Variants in ATRNL1 observed in about 807,000 individuals in gnomAD.
ATRNL1 encodes attractin-like protein 1.
A neutral mutation model predicts 182.7 loss-of-function variants in ATRNL1; 95 were observed. The observed-to-expected ratio is 0.52, with a 90% CI of 0.44 to 0.62. The LOEUF is 0.62. ATRNL1 is among the 20% of genes least tolerant of loss of function. The probability of loss-of-function intolerance (pLI) is 0.00; values close to 1 mark genes in which losing one functional copy is unlikely to be tolerated. For synonymous variants in ATRNL1, 576 were observed against 568.3 expected (o/e 1.01, Z -0.19); for missense variants, 1,471 against 1,679.5 (o/e 0.88, Z 2.17).
chr10:115,596,818 T>C (rs1163819108), intron 26 of ATRNL1, among the ~76,000 whole-genome samples: 2 of 152,106 alleles, frequency 1.3e-5, no homozygotes, highest in South Asian at 2.1e-4. Context: ...AGAATATTAG[T>C]TTAAGAATAT....
intron 17 of ATRNL1, among the ~76,000 whole-genome samples, chr10:115,303,641 C>T (rs1443664984): frequency 6.6e-6 from 1 of 152,146 alleles, no homozygotes; most frequent in African/African-American, 2.4e-5. Flanking sequence ...TTTCAGTTCC[C>T]TTCTTCTCAA....
chr10:115,402,873 C>T (rs1334859837), intron 20 of ATRNL1, among the ~76,000 whole-genome samples: 3 of 152,070 alleles, frequency 2.0e-5, no homozygotes, highest in African/African-American at 7.2e-5. Context: ...AGAAGAATCT[C>T]CTGGGATATG....
intron 24 of ATRNL1, among the ~76,000 whole-genome samples, chr10:115,469,911 G>C (rs17093123): frequency 6.6e-6 from 1 of 150,410 alleles, no homozygotes; most frequent in Non-Finnish European, 1.5e-5. Context: ...TATAGTCAAG[G>C]TTTGTGTTCT....
intron 26 of ATRNL1, among the ~76,000 whole-genome samples, chr10:115,601,530 T>C (rs1452714352): frequency 6.6e-6 from 1 of 152,196 alleles, no homozygotes; most frequent in Admixed American, 6.5e-5. Flanking sequence ...TTGTCAGTTT[T>C]GCTTCATGTA....
chr10:115,930,559 T>C (rs1953364715), intron 28 of ATRNL1, among the ~76,000 whole-genome samples: 1 of 152,218 alleles, frequency 6.6e-6, no homozygotes, highest in Non-Finnish European at 1.5e-5. Flanking sequence ...TATAATTGGC[T>C]TAGCTAAAAT....
At chr10:115,527,206 C>A (rs1191210271) in intron 25 of ATRNL1, among the ~76,000 whole-genome samples, 2 of 151,642 alleles carry the variant, frequency 1.3e-5, no homozygotes, top group African/African-American at 4.8e-5. Flanking sequence ...TCAACCTCTG[C>A]CTCCCAGGCT....
intron 25 of ATRNL1, among the ~76,000 whole-genome samples, chr10:115,524,350 T>C (rs1290048698): frequency 1.6e-4 from 25 of 152,168 alleles, no homozygotes; most frequent in Non-Finnish European, 2.9e-5. Flanking sequence ...TTTTTTCTTG[T>C]TGTTGCTGTG....
intron 28 of ATRNL1, among the ~76,000 whole-genome samples, chr10:115,885,485 GT>G (rs577345438): frequency 7.2e-5 from 11 of 152,222 alleles, no homozygotes; most frequent in Non-Finnish European, 1.3e-4. Context: ...AAATCCAGTA[GT>G]TTTTTGTCAG....
At chr10:115,102,350 G>T (rs1205575629) in intron 1 of ATRNL1, among the ~76,000 whole-genome samples, 2 of 151,812 alleles carry the variant, frequency 1.3e-5, no homozygotes, top group African/African-American at 4.8e-5. Flanking sequence ...ACTCTTTTCT[G>T]TTCCATTGAT....
chr10:115,158,071 A>C (rs1846606512), intron 5 of ATRNL1, among the ~76,000 whole-genome samples: 2 of 151,990 alleles, frequency 1.3e-5, no homozygotes, highest in Non-Finnish European at 2.9e-5. Flanking sequence ...CAAGAATAAG[A>C]ATAGTACAAA....
At chr10:115,583,085 G>C (rs1408464331) in intron 26 of ATRNL1, among the ~76,000 whole-genome samples, 3 of 150,258 alleles carry the variant, frequency 2.0e-5, no homozygotes, top group African/African-American at 7.3e-5. Context: ...TGAGGGCTCT[G>C]TTCTGTTCCA....
At chr10:115,528,350 G>A (rs1851371347) in intron 25 of ATRNL1, among the ~76,000 whole-genome samples, 1 of 151,758 alleles carries the variant, frequency 6.6e-6, no homozygotes, top group Non-Finnish European at 1.5e-5. Context: ...ATTCAATCTT[G>A]GTAGGTTTTA....
intron 21 of ATRNL1, among the ~76,000 whole-genome samples, chr10:115,441,849 G>GC (rs1471029613): frequency 6.6e-6 from 1 of 151,686 alleles, no homozygotes; most frequent in African/African-American, 2.4e-5. Flanking sequence ...ACTTCTTTGA[G>GC]CCCCCCTCTC....
chr10:115,207,096 C>T (rs1848827618), intron 8 of ATRNL1, among the ~76,000 whole-genome samples: 1 of 152,108 alleles, frequency 6.6e-6, no homozygotes, highest in South Asian at 2.1e-4. Context: ...CATTGATGGA[C>T]ATTTGGGTTT....
chr10:115,842,633 GT>G (rs1950836368), intron 27 of ATRNL1, among the ~76,000 whole-genome samples: 1 of 151,986 alleles, frequency 6.6e-6, no homozygotes, highest in Non-Finnish European at 1.5e-5. Flanking sequence ...AATGGGGTAG[GT>G]ATTTGCATAT....
chr10:115,295,497 C>G (rs1184146166), intron 15 of ATRNL1, among the ~76,000 whole-genome samples: 3 of 152,172 alleles, frequency 2.0e-5, no homozygotes, highest in African/African-American at 7.2e-5. Flanking sequence ...GGAACTGTTT[C>G]TAGGCCCTGA....
intron 5 of ATRNL1, 108 bp downstream of exon 5, chr10:115,129,643 T>C: frequency 1.3e-6 from 1 of 745,492 alleles, no homozygotes; most frequent in Non-Finnish European, 2.1e-6. Flanking sequence ...CCAAGCCTTA[T>C]ATATTTACTT....
At chr10:115,119,947 C>T (rs1434993252) in intron 1 of ATRNL1, among the ~76,000 whole-genome samples, 1 of 151,824 alleles carries the variant, frequency 6.6e-6, no homozygotes, top group African/African-American at 2.4e-5. Context: ...TTTTTCGCTT[C>T]GTAAATTGAA....
chr10:115,486,810 C>A (rs1314808089), intron 24 of ATRNL1, among the ~76,000 whole-genome samples: 1 of 152,098 alleles, frequency 6.6e-6, no homozygotes, highest in Non-Finnish European at 1.5e-5. Context: ...TGAGTCTTTG[C>A]CCATGCCTAT....
Sources: gnomAD v4.1 joint callset for allele counts (sites outside exome capture counted in the v4.1 genomes callset) on GRCh38, gnomAD v4.1.1 for gene constraint, MANE v1.5 for transcripts, NCBI Gene and HGNC (gene_info 2026-07-23, HGNC 2026-07-21) for gene names.